BAIAP2: variants seen among roughly 807,000 people sequenced by gnomAD.
BAIAP2 encodes the protein BAR/IMD domain containing adaptor protein 2, also known as BAR/IMD domain-containing adapter protein 2.
In BAIAP2, 18 loss-of-function variants were observed where a neutral mutation model predicts 63.0. That is an observed-to-expected ratio of 0.29 (90% CI 0.20 to 0.42). The LOEUF (loss-of-function observed/expected upper bound fraction) is 0.42, where lower values mean the gene tolerates loss of function less well. Ranked by LOEUF, BAIAP2 falls within the 10% of genes least tolerant of loss-of-function variation. The pLI is 1.00. For missense variants in BAIAP2, 610 were observed against 734.3 expected (o/e 0.83, Z 1.96); for synonymous variants, 386 against 307.6 (o/e 1.25, Z -2.67).
intron 1 of BAIAP2, among the ~76,000 whole-genome samples, chr17:81,047,617 CGT>C (rs1347906670): frequency 1.5e-5 from 2 of 132,520 alleles, no homozygotes; most frequent in Non-Finnish European, 3.3e-5. Flanking sequence ...GTCCAGCACA[CGT>C]GTGAGTGTAC....
Position 81,116,204 on chromosome 17 carries a change from TAATAAAC to T in BAIAP2, c.*367_*373del. 2 of 1,608,786 alleles carry T rather than the reference TAATAAAC, an allele frequency of 1.2e-6. No individual in the cohort carries two copies. The highest frequency in any genetic ancestry group is 1.7e-6 in the Non-Finnish European group (2 of 1,176,940). On this transcript the variant is annotated 3_prime_UTR_variant, in exon 14 of 14. Coordinates refer to ENST00000428708, the MANE Select transcript of BAIAP2 (RefSeq NM_001144888.2). ...TGGCTGCCCTGCTGCTTCTCCTGCC[TAATAAAC>T]AGGCTTCTCCTGCACCAGGTGTGAT...
In BAIAP2 at chr17:81,115,980, G is replaced by A; in HGVS notation, c.*141G>A. The A allele has an allele frequency of 6.7e-7, 1 of 1,496,184 alleles. No individual in the cohort carries two copies. Among genetic ancestry groups the A allele is most frequent in the Non-Finnish European group, 8.9e-7 (1 of 1,123,400 alleles). The allele number at this position is 1,496,184 out of a possible 1,614,324, so 92.7% of individuals were successfully genotyped here. A position where few individuals can be genotyped will look rare whatever the true frequency, so the allele number is the denominator to read the frequency against. ...TCTTGCCCCACTTGAGTCTGGCCTGGACTGGATCCCAGCTGTTCTAGGCAG... is the reference window on the plus strand; with the variant it reads ...TCTTGCCCCACTTGAGTCTGGCCTGAACTGGATCCCAGCTGTTCTAGGCAG... On this transcript the variant is annotated 3_prime_UTR_variant, in exon 14 of 14. Coordinates refer to ENST00000428708, the MANE Select transcript of BAIAP2 (RefSeq NM_001144888.2).
intron 3 of BAIAP2, among the ~76,000 whole-genome samples, chr17:81,076,007 G>A (rs574218781): frequency 6.6e-6 from 1 of 152,120 alleles, no homozygotes; most frequent in South Asian, 2.1e-4. Context: ...CCTGCACCCG[G>A]GTGTTCCCTC....
At chr17:81,111,163 G>A (rs1026638208) in intron 13 of BAIAP2, among the ~76,000 whole-genome samples, 5 of 152,310 alleles carry the variant, frequency 3.3e-5, no homozygotes, top group East Asian at 1.9e-4. Context: ...CTCCCCTCCC[G>A]GAAGCTTGTG....
chr17:81,101,650 C>T (rs940388399), intron 7 of BAIAP2, among the ~76,000 whole-genome samples: 1 of 152,188 alleles, frequency 6.6e-6, no homozygotes, highest in Non-Finnish European at 1.5e-5. Flanking sequence ...CACACACACA[C>T]GCACGTGATA....
chr17:81,109,031 G>A (rs897503719), intron 13 of BAIAP2: 1 of 1,539,200 alleles, frequency 6.5e-7, no homozygotes, highest in African/African-American at 1.4e-5. Flanking sequence ...CTGCTCTGAA[G>A]AGCTTCCGCG....
intron 1 of BAIAP2, among the ~76,000 whole-genome samples, chr17:81,052,117 C>A (rs564326502): frequency 6.6e-6 from 1 of 152,342 alleles, no homozygotes; most frequent in East Asian, 1.9e-4. Context: ...CCCCTGGGCC[C>A]CTTCCACCCT....
intron 3 of BAIAP2, among the ~76,000 whole-genome samples, chr17:81,075,662 T>G (rs1270815057): frequency 3.9e-5 from 6 of 152,192 alleles, no homozygotes; most frequent in African/African-American, 1.4e-4. Flanking sequence ...CCACCAGCCC[T>G]CCTTGCCTTT....
Position 81,094,097 on chromosome 17 carries a change from C to T in BAIAP2, c.490-5831C>T, listed in dbSNP as rs117813994. On this transcript the variant is annotated intron_variant, in intron 6 of 13. Transcript: ENST00000428708. ...CTGACACAGGGACCCTCAGTGTCCC[C>T]GGGGCCAGGGCAGCCAGGGGTCGGG... Among the ~76,000 whole-genome samples the T allele has an allele frequency of 9.1e-3, 1,387 of 152,240 alleles. 4 individuals carry two copies. The highest frequency in any genetic ancestry group is 0.02 in the Middle Eastern group (6 of 294).
chr17:81,107,128 TG>T, intron 12 of BAIAP2: 1 of 569,294 alleles, frequency 1.8e-6, no homozygotes, highest in East Asian at 3.4e-5. Context: ...GTCGGCATGC[TG>T]GGGCTGGGGT....
At chr17:81,114,136 ATTTTT>A (rs58461450) in intron 13 of BAIAP2, among the ~76,000 whole-genome samples, 147 of 124,632 alleles carry the variant, frequency 1.2e-3, no homozygotes, top group African/African-American at 4.4e-3. Context: ...CACCTGCCTA[ATTTTT>A]TTTTTTTTTT....
chr17:81,066,620 G>A (rs2051513899), intron 3 of BAIAP2, among the ~76,000 whole-genome samples: 2 of 152,210 alleles, frequency 1.3e-5, no homozygotes, highest in East Asian at 1.9e-4. Flanking sequence ...GAAACGTGGG[G>A]CCCTGTGCAG....
chr17:81,041,339 C>G (rs991123995), intron 1 of BAIAP2, among the ~76,000 whole-genome samples: 2 of 152,170 alleles, frequency 1.3e-5, no homozygotes, highest in African/African-American at 4.8e-5. Flanking sequence ...GCCTTGGTAT[C>G]CTCAGTGCTC....
At chr17:81,099,865 C>G in intron 6 of BAIAP2, 63 bp from the exon 7 acceptor site, 1 of 1,580,224 alleles carries the variant, frequency 6.3e-7, no homozygotes, top group Non-Finnish European at 8.6e-7. Context: ...GGGGCTGCCC[C>G]AAACCGGTCC....
In BAIAP2 at chr17:81,116,019, G is replaced by C. The variant is rs1415035171; in HGVS notation, c.*180G>C. 1 of 1,460,818 alleles carries C rather than the reference G, an allele frequency of 6.8e-7. No individual in the cohort carries two copies. Among genetic ancestry groups the C allele is most frequent in the African/African-American group, 1.4e-5 (1 of 70,944 alleles). 90.5% of individuals were successfully genotyped at this position (1,460,818 alleles called of 1,614,324 possible). On this transcript the variant is annotated 3_prime_UTR_variant, in exon 14 of 14. Transcript: ENST00000428708. ...TGTTCTAGGCAGGGCCGGGCAGAGT[G>C]GGGCGCAGGCCCCTGAAGGGCGAGA...
chr17:81,104,021 C>G lies in BAIAP2; in HGVS notation c.979C>G (p.Pro327Ala). 6.2e-7 allele frequency: 1 copy of G among 1,613,274 alleles called. No homozygotes were observed. The highest frequency in any genetic ancestry group is 8.5e-7 in the Non-Finnish European group (1 of 1,180,018). ...KAAQPKSLSP[P>A]QSQSKLSDSY... ...TGCCCAGCCCAAATCCCTGTCTCCT[C>G]CGCAGTCTCAGAGCAAGCTCAGCGA... is the stretch of plus-strand genomic sequence containing the variant. Residue 327 changes from proline to alanine, a missense_variant, in exon 9 of 14, where the codon CCG becomes GCG. Around this residue, in one of 5 missense-constraint regions of BAIAP2, gnomAD observed 389 missense variants for 455.6 expected, o/e 0.85. Transcript: ENST00000428708.
chr17:81,104,823 G>C, intron 10 of BAIAP2, 108 bp downstream of exon 10: 4 of 1,223,518 alleles, frequency 3.3e-6, no homozygotes, highest in Non-Finnish European at 4.5e-6. Context: ...GGCTGTGCAG[G>C]TTGCGGGTCC....
At chr17:81,051,020 T>C (rs2048598385) in intron 1 of BAIAP2, among the ~76,000 whole-genome samples, 1 of 151,756 alleles carries the variant, frequency 6.6e-6, no homozygotes, top group African/African-American at 2.4e-5. Flanking sequence ...TCTTCAGGCA[T>C]TGTCTCTGGC....
intron 3 of BAIAP2, among the ~76,000 whole-genome samples, chr17:81,065,279 G>A (rs745435928): frequency 6.6e-6 from 1 of 152,222 alleles, no homozygotes; most frequent in South Asian, 2.1e-4. Context: ...GCCCAGCCTG[G>A]TCACAGAAGC....
Sources: allele counts gnomAD v4.1 joint callset (sites outside exome capture counted in the v4.1 genomes callset), GRCh38; gene constraint gnomAD v4.1.1; regional missense constraint gnomAD v4.1.1; transcripts MANE v1.5; gene names NCBI Gene and HGNC (gene_info 2026-07-23, HGNC 2026-07-21).